The following ATF6 variants were observed in gnomAD, a reference collection of about 807,000 sequenced individuals.
The protein encoded by ATF6 is activating transcription factor 6.
A neutral mutation model predicts 83.6 loss-of-function variants in ATF6; 53 were observed. The observed-to-expected ratio is 0.63, with a 90% CI of 0.51 to 0.80. ATF6 has a LOEUF of 0.80. Ranked by LOEUF, ATF6 falls within the 30% of genes least tolerant of loss-of-function variation. The pLI is 0.00. For missense variants in ATF6, 744 were observed against 797.9 expected, an observed-to-expected ratio of 0.93 and a Z score of 0.81; for synonymous variants, 288 against 285.8, an observed-to-expected ratio of 1.01 and a Z score of -0.08.
At chr1:161,943,880 C>T (rs1037636375) in intron 15 of ATF6, among the ~76,000 whole-genome samples, 2 of 152,208 alleles carry the variant, frequency 1.3e-5, no homozygotes, top group African/African-American at 4.8e-5. Flanking sequence ...TGTGTATTTA[C>T]TTACTTCTCT....
Position 161,821,164 on chromosome 1 carries a change from A to G in ATF6, c.1187+3A>G, listed in dbSNP as rs189275280. 1.4e-4 allele frequency: 225 copies of G among 1,572,346 alleles called. No homozygotes were observed. Among genetic ancestry groups the G allele is most frequent in the Non-Finnish European group, 1.8e-4 (203 of 1,152,274 alleles). Reference sequence around the variant, plus strand: ...ATACTGAACTATGGACCTATGAGGTAAGTGAATAGATATTTATTTTGGACA... The same window carrying G: ...ATACTGAACTATGGACCTATGAGGTGAGTGAATAGATATTTATTTTGGACA... On this transcript the variant is annotated splice_donor_region_variant and intron_variant, in intron 9 of 15. Transcript: ENST00000367942.
At position 161,853,311 on chromosome 1, in the gene ATF6, C is replaced by G. The variant is rs1345158188; in HGVS notation, c.1521C>G (p.Thr507=). Residue 507 remains threonine (T), a synonymous_variant, in exon 12 of 16, where the codon ACC becomes ACG. Coordinates refer to ENST00000367942, the MANE Select transcript of ATF6 (RefSeq NM_007348.4). ...SRRMTNNQQK[T]RILQGALEQG... ...GAATGACAAATAATCAACAGAAAAC[C>G]CGTATTCTTCAGGTATGTTTCTGTT... 6.2e-7 allele frequency: 1 copy of G among 1,611,360 alleles called. No individual in the cohort carries two copies. Among genetic ancestry groups the G allele is most frequent in the East Asian group, 2.2e-5 (1 of 44,800 alleles).
intron 13 of ATF6, among the ~76,000 whole-genome samples, chr1:161,862,836 C>T (rs908996697): frequency 1.3e-5 from 2 of 152,236 alleles, no homozygotes; most frequent in Middle Eastern, 3.4e-3. Context: ...TGAAAAATGA[C>T]TTTTCCTCAG....
rs1471601266 is a variant in ATF6 at position 161,802,059 on chromosome 1, G to A, written c.696G>A (p.Thr232=). ...TTCTTTTTTCTAACGCAGGCCAGAC[G>A]GTTTTGCTGTCTCAGCCTACTGTGG... The part of the protein sequence containing the change: ...SLQPAPTKGQ[T]VLLSQPTVVQ... The change falls in exon 7 of 16, where the codon ACG becomes ACA. Residue 232 remains threonine, a synonymous_variant. Coordinates refer to ENST00000367942, the MANE Select transcript of ATF6 (RefSeq NM_007348.4). The A allele has an allele frequency of 1.1e-5, 17 of 1,613,854 alleles. No homozygotes were observed. Among genetic ancestry groups the A allele is most frequent in the African/African-American group, 1.3e-5 (1 of 74,888 alleles).
chr1:161,949,412 G>A (rs893018468), intron 15 of ATF6, among the ~76,000 whole-genome samples: 1 of 152,214 alleles, frequency 6.6e-6, no homozygotes, highest in African/African-American at 2.4e-5. Context: ...GGCCTCAGGA[G>A]TTTGGAAATG....
At chr1:161,795,713 C>T (rs1685001672) in intron 6 of ATF6, among the ~76,000 whole-genome samples, 1 of 152,142 alleles carries the variant, frequency 6.6e-6, no homozygotes, top group Non-Finnish European at 1.5e-5. Flanking sequence ...GATAAACAGC[C>T]TTTGGAATGT....
At chr1:161,886,907 G>T (rs566781901) in intron 14 of ATF6, among the ~76,000 whole-genome samples, 1 of 152,284 alleles carries the variant, frequency 6.6e-6, no homozygotes, top group Admixed American at 6.5e-5. Flanking sequence ...TTTGGAGACA[G>T]TTCTAGAGAC....
intron 9 of ATF6, among the ~76,000 whole-genome samples, chr1:161,836,029 G>A (rs1247990113): frequency 6.6e-6 from 1 of 152,212 alleles, no homozygotes; most frequent in East Asian, 1.9e-4. Flanking sequence ...GGATGAGGAA[G>A]GGTAAATCAT....
At chr1:161,768,810 A>G (rs1684324769) in intron 1 of ATF6, among the ~76,000 whole-genome samples, 2 of 151,974 alleles carry the variant, frequency 1.3e-5, no homozygotes, top group Admixed American at 1.3e-4. Flanking sequence ...GGCCTCAGTC[A>G]TCCTGCCTCA....
chr1:161,933,934 G>A (rs1175425785), intron 15 of ATF6, among the ~76,000 whole-genome samples: 1 of 152,098 alleles, frequency 6.6e-6, no homozygotes. Flanking sequence ...CTCTGCTCCA[G>A]CATCACTACC....
rs1164450319 is a variant in ATF6 at position 161,807,863 on chromosome 1, ATCTTTTTTTTTT to A, written c.909+5593_909+5604del. ...TACTTTTTGTACTTTTTAGTTTGTC[ATCTTTTTTTTTT>A]TTTTTTTTTTTTTTTTTTTTTTGAG... On this transcript the variant is annotated intron_variant, in intron 7 of 15. Coordinates refer to ENST00000367942, the MANE Select transcript of ATF6 (RefSeq NM_007348.4). Among the ~76,000 whole-genome samples the A allele has an allele frequency of 3.7e-3, 205 of 54,788 alleles. 7 individuals are homozygous for A. The highest frequency in any genetic ancestry group is 0.015 in the African/African-American group (185 of 12,230). 35.9% of individuals were successfully genotyped at this position (54,788 alleles called of 152,430 possible). A position where few individuals can be genotyped will look rare whatever the true frequency, so the allele number is the denominator to read the frequency against.
At chr1:161,864,995 A>C (rs72708080) in intron 14 of ATF6, among the ~76,000 whole-genome samples, 2 of 152,248 alleles carry the variant, frequency 1.3e-5, no homozygotes, top group East Asian at 3.8e-4. Flanking sequence ...TTAACACTCA[A>C]ATAGACAGTT....
intron 15 of ATF6, among the ~76,000 whole-genome samples, chr1:161,920,294 C>CTCTCTTTTTTTTTTTT (rs1157916734): frequency 3.6e-5 from 2 of 54,844 alleles, no homozygotes; most frequent in African/African-American, 1.5e-4. Flanking sequence ...CTCTCTCTCT[C>CTCTCTTTTTTTTTTTT]TTTTTTTTTT....
At chr1:161,794,379 G>T (rs1270322322) in intron 6 of ATF6, among the ~76,000 whole-genome samples, 1 of 152,200 alleles carries the variant, frequency 6.6e-6, no homozygotes, top group Non-Finnish European at 1.5e-5. Flanking sequence ...TGAAAAAGAA[G>T]AGGTAATTTC....
intron 7 of ATF6, among the ~76,000 whole-genome samples, chr1:161,814,478 T>G (rs887774886): frequency 1.3e-5 from 2 of 152,242 alleles, no homozygotes; most frequent in African/African-American, 4.8e-5. Flanking sequence ...GAAACTATAC[T>G]ACATATCAGA....
chr1:161,838,144 A>C (rs562406094), intron 9 of ATF6, among the ~76,000 whole-genome samples: 2 of 152,232 alleles, frequency 1.3e-5, no homozygotes, highest in Non-Finnish European at 2.9e-5. Flanking sequence ...TTATGAATTG[A>C]CTGGATTGAT....
chr1:161,792,363 T>C (rs369291362), intron 6 of ATF6, 36 bp downstream of exon 6: 61 of 1,572,360 alleles, frequency 3.9e-5, no homozygotes, highest in South Asian at 3.8e-4. Context: ...GTAAATTTAT[T>C]TGGAGGGCAG....
chr1:161,850,399 A>G (rs1020048110), intron 10 of ATF6, among the ~76,000 whole-genome samples: 7 of 152,020 alleles, frequency 4.6e-5, no homozygotes, highest in Non-Finnish European at 7.4e-5. Flanking sequence ...CCCAGTTTCT[A>G]TAGAGGCGGC....
At chr1:161,896,064 A>G (rs1454624491) in intron 14 of ATF6, among the ~76,000 whole-genome samples, 2 of 152,212 alleles carry the variant, frequency 1.3e-5, no homozygotes, top group East Asian at 3.8e-4. Context: ...GCTCACCTTG[A>G]ACTGAAATTA....
Sources: allele counts gnomAD v4.1 joint callset (sites outside exome capture counted in the v4.1 genomes callset), GRCh38; gene constraint gnomAD v4.1.1; transcripts MANE v1.5; gene names NCBI Gene and HGNC (gene_info 2026-07-23, HGNC 2026-07-21).